Variants in ACACA observed in about 807,000 individuals in gnomAD.
The protein encoded by ACACA is acetyl-CoA carboxylase alpha.
ACACA carries 103 observed loss-of-function variants against 296.1 expected under a neutral mutation model. The ratio of observed to expected loss-of-function variants is 0.35; its 90% CI spans 0.30 to 0.41. The LOEUF is 0.41. Ranked by LOEUF, ACACA falls within the 10% of genes least tolerant of loss-of-function variation. The probability of loss-of-function intolerance (pLI) is 1.00; values close to 1 mark genes in which losing one functional copy is unlikely to be tolerated. For missense variants in ACACA, 1,554 were observed against 2,989.7 expected (o/e 0.52, Z 11.20); for synonymous variants, 953 against 1,038.6 (o/e 0.92, Z 1.58).
At chr17:37,268,737 C>CTATATATATATAGATATATATATATATA (rs1302264722) in intron 10 of ACACA, among the ~76,000 whole-genome samples, 1 of 70,934 alleles carries the variant, frequency 1.4e-5, no homozygotes, top group Non-Finnish European at 2.6e-5. Context: ...ATCTATCTAT[C>CTATATATATATAGATATATATATATATA]TATCTATATA....
At chr17:37,307,253 G>A (rs1302539606) in intron 3 of ACACA, among the ~76,000 whole-genome samples, 1 of 152,198 alleles carries the variant, frequency 6.6e-6, no homozygotes, top group Non-Finnish European at 1.5e-5. Flanking sequence ...AAATGAAATT[G>A]CTCACTAGTG....
chr17:37,341,848 C>A (rs2048384197), intron 1 of ACACA, among the ~76,000 whole-genome samples: 1 of 152,074 alleles, frequency 6.6e-6, no homozygotes, highest in African/African-American at 2.4e-5. Context: ...AAGCTATGGA[C>A]CTTTTCTTGA....
intron 25 of ACACA, among the ~76,000 whole-genome samples, chr17:37,228,192 A>T (rs924336026): frequency 6.8e-6 from 1 of 148,100 alleles, no homozygotes; most frequent in African/African-American, 2.5e-5. Context: ...TATGCTGGGA[A>T]GGTTTCTCAA....
chr17:37,152,955 T>C (rs1295828213), intron 43 of ACACA, among the ~76,000 whole-genome samples: 1 of 152,214 alleles, frequency 6.6e-6, no homozygotes, highest in Non-Finnish European at 1.5e-5. Context: ...CAGATTCTGC[T>C]GCCTTTCTAT....
chr17:37,125,581 T>C (rs966893304), intron 48 of ACACA, 117 bp downstream of exon 48: 22 of 1,038,850 alleles, frequency 2.1e-5, no homozygotes, highest in Non-Finnish European at 2.3e-5. Context: ...TAATCCAATA[T>C]TCTCAGACAG....
intron 32 of ACACA, 102 bp from the exon 33 acceptor site, chr17:37,205,974 C>T: frequency 2.0e-6 from 2 of 1,021,776 alleles, no homozygotes; most frequent in Non-Finnish European, 3.0e-6. Flanking sequence ...AGAGATACAC[C>T]CCACAGGATA....
intron 1 of ACACA, among the ~76,000 whole-genome samples, chr17:37,373,614 T>G (rs941084285): frequency 6.6e-6 from 1 of 152,154 alleles, no homozygotes; most frequent in African/African-American, 2.4e-5. Flanking sequence ...CAAAGAAAAC[T>G]CTTAGACTTC....
At chr17:37,105,736 T>C (rs1241897493) in intron 52 of ACACA, among the ~76,000 whole-genome samples, 1 of 150,088 alleles carries the variant, frequency 6.7e-6, no homozygotes, top group African/African-American at 2.5e-5. Flanking sequence ...TGGTGGTGCA[T>C]GCCTATAATC....
intron 3 of ACACA, among the ~76,000 whole-genome samples, chr17:37,296,462 C>T (rs983802872): frequency 3.9e-5 from 6 of 152,022 alleles, no homozygotes; most frequent in East Asian, 1.9e-4. Flanking sequence ...CCCGCCACCA[C>T]GCCCGGCTAA....
intron 1 of ACACA, chr17:37,388,654 C>A: frequency 6.2e-7 from 1 of 1,609,854 alleles, no homozygotes; most frequent in South Asian, 1.1e-5. Context: ...CTCTTCCACT[C>A]CCCTCTCTCC....
chr17:37,144,063 G>A (rs1409529238), intron 45 of ACACA: 4 of 765,352 alleles, frequency 5.2e-6, no homozygotes, highest in South Asian at 1.4e-5. Flanking sequence ...CAGGAGGGAC[G>A]TAGGTTTTCA....
intron 39 of ACACA, among the ~76,000 whole-genome samples, chr17:37,186,173 GTA>G (rs59927213): frequency 0.25 from 37,488 of 152,064 alleles, 5,129 homozygotes; most frequent in Admixed American, 0.36. Context: ...AAACTGTAAA[GTA>G]TATGTTTTAG....
Position 37,383,031 on chromosome 17 carries a change from C to T in ACACA, c.38+23231G>A, listed in dbSNP as rs558278857. 3.5e-4 allele frequency among the ~76,000 whole-genome samples: 54 copies of T among 152,188 alleles called. 1 individual carries two copies. In the South Asian group the frequency reaches 9.7e-3, roughly 27 times the overall value. ...CAGTCTGGGCAATAGAGCGAGACTC[C>T]ATCTGAAAAAATAAACAAACTCAAA... On this transcript the variant is annotated intron_variant, in intron 1 of 55. Coordinates refer to ENST00000616317, the MANE Select transcript of ACACA (RefSeq NM_198834.3).
intron 1 of ACACA, among the ~76,000 whole-genome samples, chr17:37,348,167 A>T (rs11867460): frequency 0.34 from 51,053 of 151,146 alleles, 10,932 homozygotes; most frequent in African/African-American, 0.6. Context: ...AAAAAAAAAA[A>T]ATTTAAAGTG....
chr17:37,221,323 T>C (rs1474114544), intron 29 of ACACA, among the ~76,000 whole-genome samples: 1 of 152,154 alleles, frequency 6.6e-6, no homozygotes, highest in Non-Finnish European at 1.5e-5. Flanking sequence ...CCTCAACCCA[T>C]AGCAAACATA....
chr17:37,125,297 G>A (rs936733653), intron 48 of ACACA, among the ~76,000 whole-genome samples: 11 of 151,634 alleles, frequency 7.3e-5, no homozygotes, highest in African/African-American at 1.2e-4. Flanking sequence ...TCGGTGCCAC[G>A]AAGAACCTCT....
At chr17:37,179,887 T>C (rs2077255523) in intron 40 of ACACA, among the ~76,000 whole-genome samples, 1 of 152,232 alleles carries the variant, frequency 6.6e-6, no homozygotes, top group Non-Finnish European at 1.5e-5. Flanking sequence ...ATATTTTTCA[T>C]AGCTATAGGA....
chr17:37,123,561 A>G (rs1433275226), intron 48 of ACACA, among the ~76,000 whole-genome samples: 1 of 152,106 alleles, frequency 6.6e-6, no homozygotes, highest in Non-Finnish European at 1.5e-5. Context: ...CATTTCTCAC[A>G]GCATCTCCAT....
At chr17:37,397,391 A>G (rs2051117232) in intron 1 of ACACA, among the ~76,000 whole-genome samples, 1 of 152,176 alleles carries the variant, frequency 6.6e-6, no homozygotes, top group Non-Finnish European at 1.5e-5. Context: ...CCATGTTCAT[A>G]GCAGATACTA....
Sources: allele counts gnomAD v4.1 joint callset (sites outside exome capture counted in the v4.1 genomes callset), GRCh38; gene constraint gnomAD v4.1.1; transcripts MANE v1.5; gene names NCBI Gene and HGNC (gene_info 2026-07-23, HGNC 2026-07-21).